Variants in IMMP2L observed in about 807,000 individuals in gnomAD.
IMMP2L encodes the protein mitochondrial inner membrane protease subunit 2.
A neutral mutation model predicts 19.3 loss-of-function variants in IMMP2L; 18 were observed. The observed-to-expected ratio is 0.93, with a 90% confidence interval of 0.64 to 1.38. IMMP2L has a LOEUF of 1.38. IMMP2L is among the 40% of genes most tolerant of loss of function. IMMP2L has a pLI of 0.00. For missense variants in IMMP2L, 233 were observed against 218.2 expected, an observed-to-expected ratio of 1.07 and a Z score of -0.43; for synonymous variants, 76 against 73.0, an observed-to-expected ratio of 1.04 and a Z score of -0.21.
chr7:111,053,800 T>A (rs530979121), intron 3 of IMMP2L, among the ~76,000 whole-genome samples: 1 of 152,220 alleles, frequency 6.6e-6, no homozygotes, highest in South Asian at 2.1e-4. Context: ...AATAAGTGTA[T>A]CTCTGCTGTG....
At chr7:110,797,551 AGAG>A (rs1318143239) in intron 5 of IMMP2L, among the ~76,000 whole-genome samples, 5 of 152,096 alleles carry the variant, frequency 3.3e-5, no homozygotes, top group African/African-American at 7.2e-5. Flanking sequence ...TAATTAACTA[AGAG>A]AAGAGGCAAT....
intron 4 of IMMP2L, among the ~76,000 whole-genome samples, chr7:110,960,644 G>A (rs1430152724): frequency 6.6e-6 from 1 of 151,490 alleles, no homozygotes; most frequent in African/African-American, 2.4e-5. Flanking sequence ...CTGCCACAAA[G>A]CAAAAGGCTG....
chr7:111,469,271 G>A (rs548214348), intron 3 of IMMP2L, among the ~76,000 whole-genome samples: 1 of 152,226 alleles, frequency 6.6e-6, no homozygotes, highest in East Asian at 1.9e-4. Flanking sequence ...CTTTAAAGTA[G>A]TTTTTTCCAA....
At chr7:111,054,279 T>G (rs941811914) in intron 3 of IMMP2L, among the ~76,000 whole-genome samples, 9 of 152,218 alleles carry the variant, frequency 5.9e-5, no homozygotes, top group Non-Finnish European at 1.3e-4. Context: ...ACTTTTTAAA[T>G]GTCCTTTTCT....
At chr7:111,120,336 C>T (rs1049564558) in intron 3 of IMMP2L, among the ~76,000 whole-genome samples, 2 of 152,118 alleles carry the variant, frequency 1.3e-5, no homozygotes, top group Non-Finnish European at 2.9e-5. Flanking sequence ...TGGCAAAAGG[C>T]ACATCTTACA....
At position 110,706,991 on chromosome 7, in the gene IMMP2L, ATTT is replaced by A. The variant is rs57136908; in HGVS notation, c.409-43273_409-43271del. 1.1e-3 allele frequency among the ~76,000 whole-genome samples: 154 copies of A among 134,484 alleles called. 3 individuals are homozygous for A. The Middle Eastern group carries it at 0.015, about 13-fold the overall frequency. The allele number at this position is 134,484 out of a possible 152,430, so 88.2% of individuals were successfully genotyped here. On this transcript the variant is annotated intron_variant, in intron 5 of 5. Coordinates refer to ENST00000405709, the MANE Select transcript of IMMP2L (RefSeq NM_032549.4). ...TTACAGTTTGAGGTGTTACACTTAA[ATTT>A]TTTTTTTTAATTTTTTTTTTTTTAT...
chr7:110,738,696 A>T (rs1406624467), intron 5 of IMMP2L, among the ~76,000 whole-genome samples: 7 of 152,198 alleles, frequency 4.6e-5, no homozygotes, highest in Non-Finnish European at 7.3e-5. Context: ...AGATCTAGAC[A>T]TCCAAATACA....
intron 3 of IMMP2L, among the ~76,000 whole-genome samples, chr7:110,969,160 A>G (rs1036740796): frequency 2.6e-5 from 4 of 152,116 alleles, no homozygotes; most frequent in Non-Finnish European, 5.9e-5. Context: ...TAAAATCAAG[A>G]TAAAAACGAA....
chr7:111,429,650 A>T (rs1391460074), intron 3 of IMMP2L, among the ~76,000 whole-genome samples: 2 of 151,948 alleles, frequency 1.3e-5, no homozygotes, highest in Non-Finnish European at 2.9e-5. Flanking sequence ...TTAAAGATTC[A>T]CATCTAATTG....
At chr7:111,076,000 T>C (rs938252527) in intron 3 of IMMP2L, among the ~76,000 whole-genome samples, 14 of 152,224 alleles carry the variant, frequency 9.2e-5, no homozygotes, top group Non-Finnish European at 1.6e-4. Flanking sequence ...AAATTTCTTA[T>C]CTAGTTAAAA....
intron 3 of IMMP2L, among the ~76,000 whole-genome samples, chr7:111,400,109 T>C (rs1462057998): frequency 6.6e-6 from 1 of 152,092 alleles, no homozygotes; most frequent in African/African-American, 2.4e-5. Flanking sequence ...ACAGCCCTTA[T>C]CACCTTATAT....
At chr7:111,339,550 T>C (rs984003795) in intron 3 of IMMP2L, among the ~76,000 whole-genome samples, 1 of 151,818 alleles carries the variant, frequency 6.6e-6, no homozygotes, top group Admixed American at 6.6e-5. Flanking sequence ...CACAGTGAAG[T>C]AAAGAGTTTA....
At chr7:110,960,325 CA>C (rs1301915319) in intron 4 of IMMP2L, among the ~76,000 whole-genome samples, 1 of 151,886 alleles carries the variant, frequency 6.6e-6, no homozygotes, top group Non-Finnish European at 1.5e-5. Flanking sequence ...ACTCCCCCAA[CA>C]CAACAAAAAC....
intron 3 of IMMP2L, among the ~76,000 whole-genome samples, chr7:111,153,361 A>C (rs1434693585): frequency 6.6e-6 from 1 of 152,132 alleles, no homozygotes; most frequent in Non-Finnish European, 1.5e-5. Context: ...TACCACATAG[A>C]ATCAGAACAG....
intron 3 of IMMP2L, among the ~76,000 whole-genome samples, chr7:111,410,307 A>G (rs1834286912): frequency 6.6e-6 from 1 of 151,858 alleles, no homozygotes; most frequent in South Asian, 2.1e-4. Flanking sequence ...AAAAGCACAA[A>G]AATAGCCTTG....
chr7:111,218,654 A>G (rs1812214950), intron 3 of IMMP2L, among the ~76,000 whole-genome samples: 1 of 152,052 alleles, frequency 6.6e-6, no homozygotes, highest in Non-Finnish European at 1.5e-5. Flanking sequence ...CAATTAACCT[A>G]GTTCATTACC....
chr7:111,181,338 T>C (rs1178996156), intron 3 of IMMP2L, among the ~76,000 whole-genome samples: 2 of 152,056 alleles, frequency 1.3e-5, no homozygotes, highest in African/African-American at 2.4e-5. Flanking sequence ...TAATCCTATA[T>C]CTGCATTTTA....
intron 4 of IMMP2L, among the ~76,000 whole-genome samples, chr7:110,961,975 T>A (rs1320857163): frequency 1.3e-5 from 2 of 151,936 alleles, no homozygotes; most frequent in African/African-American, 4.8e-5. Context: ...AAGAGAAGTG[T>A]TCAAAAACTA....
intron 3 of IMMP2L, among the ~76,000 whole-genome samples, chr7:111,137,983 C>T (rs1204510900): frequency 1.3e-5 from 2 of 152,212 alleles, no homozygotes; most frequent in South Asian, 2.1e-4. Context: ...AGCCACCACA[C>T]CCAGCTAATT....
Sources: gnomAD v4.1 joint callset for allele counts (sites outside exome capture counted in the v4.1 genomes callset) on GRCh38, gnomAD v4.1.1 for gene constraint, MANE v1.5 for transcripts, NCBI Gene and HGNC (gene_info 2026-07-23, HGNC 2026-07-21) for gene names.